The following ACSM3 variants were observed in gnomAD, a reference collection of about 807,000 sequenced individuals.
ACSM3 encodes the protein acyl-coenzyme A synthetase ACSM3, mitochondrial.
A neutral mutation model predicts 74.1 loss-of-function variants in ACSM3; 61 were observed. The observed-to-expected ratio is 0.82, with a 90% CI of 0.67 to 1.02. The LOEUF is 1.02. Ranked by LOEUF, ACSM3 falls within the 50% of genes least tolerant of loss-of-function variation. The pLI is 0.00. For synonymous variants in ACSM3, 213 were observed against 241.5 expected (o/e 0.88, Z 1.09); for missense variants, 660 against 697.0 (o/e 0.95, Z 0.60).
intron 3 of ACSM3, among the ~76,000 whole-genome samples, chr16:20,756,082 C>T (rs542030825): frequency 2.6e-5 from 4 of 152,034 alleles, no homozygotes; most frequent in Non-Finnish European, 4.4e-5. Context: ...TGAATAGTGC[C>T]GCAGTAAACA....
At chr16:20,747,428 A>G (rs978172161) in intron 1 of ACSM3, among the ~76,000 whole-genome samples, 3 of 152,186 alleles carry the variant, frequency 2.0e-5, no homozygotes, top group South Asian at 2.1e-4. Flanking sequence ...CCCACCCTAC[A>G]GGTTTCACAC....
chr16:20,739,022 T>C (rs1395444745), intron 1 of ACSM3: 5 of 1,614,098 alleles, frequency 3.1e-6, no homozygotes, highest in African/African-American at 1.3e-5. Flanking sequence ...AGCCTCCGCA[T>C]CATCATCCTC....
At chr16:20,795,685 C>T (rs1324219362) in intron 12 of ACSM3, among the ~76,000 whole-genome samples, 4 of 152,136 alleles carry the variant, frequency 2.6e-5, no homozygotes, top group Admixed American at 1.3e-4. Flanking sequence ...GGTAATCTGG[C>T]GTTGGAGGTA....
rs1453597498 is a variant in ACSM3, at chr16:20,691,751, A to ACG, written c.-190+16929_-190+16930insCG. 1.2e-3 allele frequency among the ~76,000 whole-genome samples: 167 copies of ACG among 134,106 alleles called. 1 individual carries two copies. Among genetic ancestry groups the ACG allele is most frequent in the Non-Finnish European group, 2.1e-3 (135 of 64,650 alleles). 88.0% of individuals were successfully genotyped at this position (134,106 alleles called of 152,430 possible). A position where few individuals can be genotyped will look rare whatever the true frequency, so the allele number is the denominator to read the frequency against. On this transcript the variant is annotated intron_variant, in intron 1 of 3. Coordinates refer to the ACSM3 transcript ENST00000561584. ...CTGGGCCAATCATAATACCTCTCCA[A>ACG]TGTGTGTGTGTGTGTGTGTGTGTGT...
chr16:20,730,897 A>G (rs1017347814), intron 1 of ACSM3, among the ~76,000 whole-genome samples: 6 of 152,168 alleles, frequency 3.9e-5, no homozygotes, highest in Non-Finnish European at 1.5e-5. Flanking sequence ...GCTGTCACCC[A>G]GGCAAAAAGC....
intron 1 of ACSM3, chr16:20,736,696 T>TA: frequency 1.6e-6 from 1 of 634,662 alleles, no homozygotes; most frequent in South Asian, 2.1e-5. Context: ...CGTAATACCA[T>TA]AAAGGCTGAA....
chr16:20,709,247 T>C (rs548770344), intron 1 of ACSM3, among the ~76,000 whole-genome samples: 84 of 151,890 alleles, frequency 5.5e-4, no homozygotes, highest in Admixed American at 5.5e-3. Flanking sequence ...CGAGACACTA[T>C]CTCAGAAAAA....
chr16:20,788,108 A>T lies in ACSM3; in HGVS notation c.1224+1950A>T, dbSNP rs562932415. On this transcript the variant is annotated intron_variant, in intron 9 of 13. Transcript: ENST00000289416. ...CATTCCTCTTTTTATTTATTTATTTATTTTTTTATTTTTTCACATTCCTCT... is the reference window on the plus strand; with the variant it reads ...CATTCCTCTTTTTATTTATTTATTTTTTTTTTTATTTTTTCACATTCCTCT... Among the ~76,000 whole-genome samples, 175 of 152,004 alleles carry T rather than the reference A, an allele frequency of 1.2e-3. 4 individuals are homozygous for T. In the South Asian group the frequency reaches 0.028, roughly 25 times the overall value.
chr16:20,741,807 G>T, intron 1 of ACSM3: 1 of 1,543,444 alleles, frequency 6.5e-7, no homozygotes, highest in Non-Finnish European at 8.7e-7. Flanking sequence ...TCTATCGCCG[G>T]CGCGAACTGG....
chr16:20,783,103 T>G (rs556078798), intron 7 of ACSM3: 92 of 152,326 alleles, frequency 6.0e-4, no homozygotes, highest in African/African-American at 2.1e-3. Flanking sequence ...GGCTTAGTCT[T>G]TCTTGTGACC....
chr16:20,792,232 C>T lies in ACSM3; in HGVS notation c.1455-4C>T. On this transcript the variant is annotated splice_region_variant and splice_polypyrimidine_tract_variant and intron_variant, in intron 11 of 13. Transcript: ENST00000289416. ...GTATGTATTCCTGCCATATGTGTTTCTAGCTATCGAATTGGACCATTTGAG... is the reference window on the plus strand; with the variant it reads ...GTATGTATTCCTGCCATATGTGTTTTTAGCTATCGAATTGGACCATTTGAG... 1 of 1,614,098 alleles carries T rather than the reference C, an allele frequency of 6.2e-7. No homozygotes were observed. Among genetic ancestry groups the T allele is most frequent in the Non-Finnish European group, 8.5e-7 (1 of 1,179,974 alleles).
At chr16:20,682,391 G>A in intron 1 of ACSM3, 2 of 1,613,986 alleles carry the variant, frequency 1.2e-6, no homozygotes, top group African/African-American at 2.7e-5. Context: ...AATGCCCTTG[G>A]CTTTAGACAA....
chr16:20,789,359 G>T, intron 9 of ACSM3: 1 of 761,116 alleles, frequency 1.3e-6, no homozygotes, highest in Non-Finnish European at 2.3e-6. Flanking sequence ...GTACTTAAAG[G>T]TTTAGCATTA....
chr16:20,746,831 T>TG (rs1288555760), intron 1 of ACSM3, among the ~76,000 whole-genome samples: 1 of 152,230 alleles, frequency 6.6e-6, no homozygotes, highest in African/African-American at 2.4e-5. Flanking sequence ...CACCAGTGCC[T>TG]GGGTCCCAGT....
chr16:20,751,424 G>GA (rs1009918055), intron 2 of ACSM3, among the ~76,000 whole-genome samples: 2 of 151,718 alleles, frequency 1.3e-5, no homozygotes, highest in Non-Finnish European at 2.9e-5. Flanking sequence ...TAAAGTATTT[G>GA]AAAAAAAATT....
chr16:20,709,035 T>C (rs898778580), intron 1 of ACSM3, among the ~76,000 whole-genome samples: 1 of 152,258 alleles, frequency 6.6e-6, no homozygotes, highest in Non-Finnish European at 1.5e-5. Flanking sequence ...AGGACAGTCT[T>C]TTTAATAAAT....
intron 12 of ACSM3, among the ~76,000 whole-genome samples, chr16:20,795,306 C>T (rs1567367100): frequency 6.6e-6 from 1 of 152,208 alleles, no homozygotes; most frequent in Non-Finnish European, 1.5e-5. Flanking sequence ...AGGCGTGACC[C>T]ACTGTGCCTG....
At chr16:20,786,392 C>T in intron 9 of ACSM3, 2 of 846,300 alleles carry the variant, frequency 2.4e-6, no homozygotes, top group African/African-American at 1.8e-5. Context: ...TAAACGTTAA[C>T]CCATTAGGCT....
At chr16:20,745,010 C>T (rs1021536308) in intron 1 of ACSM3, among the ~76,000 whole-genome samples, 7 of 152,172 alleles carry the variant, frequency 4.6e-5, no homozygotes, top group African/African-American at 1.4e-4. Flanking sequence ...TCAGTCTAGA[C>T]GTTAGTTATC....
Sources: gnomAD v4.1 joint callset for allele counts (sites outside exome capture counted in the v4.1 genomes callset) on GRCh38, gnomAD v4.1.1 for gene constraint, MANE v1.5 for transcripts, NCBI Gene and HGNC (gene_info 2026-07-23, HGNC 2026-07-21) for gene names.